The following PXDNL variants were observed in gnomAD, a reference collection of about 807,000 sequenced individuals.
PXDNL encodes the protein peroxidasin like.
A neutral mutation model predicts 150.8 loss-of-function variants in PXDNL; 145 were observed. The ratio of observed to expected loss-of-function variants is 0.96; its 90% confidence interval spans 0.84 to 1.10. The LOEUF is 1.10. Among genes scored for constraint, PXDNL ranks in the 50% least tolerant of loss-of-function variants. The probability of loss-of-function intolerance (pLI) is 0.00; values close to 1 mark genes in which losing one functional copy is unlikely to be tolerated. For missense variants in PXDNL, 2,087 were observed against 1,873.9 expected, an observed-to-expected ratio of 1.11 and a Z score of -2.10; for synonymous variants, 757 against 725.7, an observed-to-expected ratio of 1.04 and a Z score of -0.69.
At chr8:51,753,585 C>T (rs1004138416) in intron 1 of PXDNL, among the ~76,000 whole-genome samples, 5 of 152,324 alleles carry the variant, frequency 3.3e-5, no homozygotes, top group Non-Finnish European at 5.9e-5. Flanking sequence ...GTACTTTAAT[C>T]TGTGCATCGC....
intron 2 of PXDNL, among the ~76,000 whole-genome samples, chr8:51,602,442 T>G (rs1387728979): frequency 6.6e-6 from 1 of 152,046 alleles, no homozygotes; most frequent in Non-Finnish European, 1.5e-5. Context: ...AGCTCTGAAA[T>G]TCTTTTATCT....
intron 19 of PXDNL, among the ~76,000 whole-genome samples, chr8:51,360,133 T>G (rs1806673324): frequency 6.6e-6 from 1 of 152,094 alleles, no homozygotes; most frequent in Non-Finnish European, 1.5e-5. Context: ...CTTACTCATG[T>G]GTATCCCAGA....
At chr8:51,804,367 T>C (rs536101570) in intron 1 of PXDNL, among the ~76,000 whole-genome samples, 1 of 152,302 alleles carries the variant, frequency 6.6e-6, no homozygotes, top group African/African-American at 2.4e-5. Flanking sequence ...TAGCTTGACC[T>C]TTCCCTTTAG....
chr8:51,487,855 T>TTA, intron 5 of PXDNL, among the ~76,000 whole-genome samples: 1 of 152,324 alleles, frequency 6.6e-6, no homozygotes, highest in Non-Finnish European at 1.5e-5. Flanking sequence ...AGGTTAGTAC[T>TTA]TATGAATGTA....
At chr8:51,598,477 T>C (rs1813622237) in intron 2 of PXDNL, among the ~76,000 whole-genome samples, 1 of 152,216 alleles carries the variant, frequency 6.6e-6, no homozygotes, top group African/African-American at 2.4e-5. Flanking sequence ...TTTCTGCATT[T>C]ATTAAGATTA....
intron 2 of PXDNL, among the ~76,000 whole-genome samples, chr8:51,648,618 G>A (rs950010412): frequency 6.6e-6 from 1 of 152,122 alleles, no homozygotes; most frequent in African/African-American, 2.4e-5. Context: ...CAAGGCTTTG[G>A]TGATTTTTTT....
At chr8:51,610,768 G>GA (rs2130713032) in intron 2 of PXDNL, among the ~76,000 whole-genome samples, 1 of 152,228 alleles carries the variant, frequency 6.6e-6, no homozygotes, top group East Asian at 1.9e-4. Context: ...TTTGCAGCTG[G>GA]AGAACTGCAG....
rs769831692 is a variant in PXDNL at position 51,345,689 on chromosome 8, T to C, written c.4016+144A>G. On this transcript the variant is annotated intron_variant, in intron 20 of 22. Coordinates refer to ENST00000356297, the MANE Select transcript of PXDNL (RefSeq NM_144651.5). ...AACCCAAACACATTACAGAATTCAT[T>C]CTGTGTTTTCTCCTTTTCATGTGAT... 894 of 564,032 alleles carry C rather than the reference T, an allele frequency of 1.6e-3. 9 individuals are homozygous for C. The highest frequency in any genetic ancestry group is 2.5e-4 in the Non-Finnish European group (79 of 316,652). 34.9% of individuals were successfully genotyped at this position (564,032 alleles called of 1,614,324 possible). A position where few individuals can be genotyped will look rare whatever the true frequency, so the allele number is the denominator to read the frequency against.
At chr8:51,496,968 G>C (rs1182799176) in intron 5 of PXDNL, among the ~76,000 whole-genome samples, 1 of 151,936 alleles carries the variant, frequency 6.6e-6, no homozygotes, top group Non-Finnish European at 1.5e-5. Context: ...AAAGAGCCCG[G>C]ATTGCCAAGT....
intron 17 of PXDNL, among the ~76,000 whole-genome samples, chr8:51,400,560 G>T (rs2130861944): frequency 6.6e-6 from 1 of 152,324 alleles, no homozygotes; most frequent in South Asian, 2.1e-4. Context: ...AAATAGAGCT[G>T]CACGCCTTCT....
chr8:51,679,950 T>C (rs1815706402), intron 1 of PXDNL, among the ~76,000 whole-genome samples: 1 of 152,258 alleles, frequency 6.6e-6, no homozygotes, highest in Admixed American at 6.5e-5. Flanking sequence ...TACAAAGAAT[T>C]GTTTCATTTA....
chr8:51,774,120 C>T (rs1465133717), intron 1 of PXDNL, among the ~76,000 whole-genome samples: 3 of 152,132 alleles, frequency 2.0e-5, no homozygotes, highest in Admixed American at 2.0e-4. Context: ...TAAAATTCTG[C>T]AATTTTAACT....
At chr8:51,692,389 G>C (rs971199368) in intron 1 of PXDNL, among the ~76,000 whole-genome samples, 40 of 152,188 alleles carry the variant, frequency 2.6e-4, no homozygotes, top group African/African-American at 7.5e-4. Context: ...TATCCACATG[G>C]GAATTTGGAG....
chr8:51,711,496 G>T (rs552424308), intron 1 of PXDNL, among the ~76,000 whole-genome samples: 2 of 152,284 alleles, frequency 1.3e-5, no homozygotes, highest in South Asian at 4.1e-4. Context: ...TATACATATG[G>T]CTTGTCTTCA....
At chr8:51,378,285 G>A (rs1194285701) in intron 17 of PXDNL, among the ~76,000 whole-genome samples, 1 of 152,090 alleles carries the variant, frequency 6.6e-6, no homozygotes, top group African/African-American at 2.4e-5. Flanking sequence ...ACACCAATCA[G>A]CACTCTGTGT....
chr8:51,802,664 A>G (rs1260920146), intron 1 of PXDNL, among the ~76,000 whole-genome samples: 1 of 152,242 alleles, frequency 6.6e-6, no homozygotes, highest in Admixed American at 6.5e-5. Context: ...GGCAGAACAT[A>G]TGAATGCTTT....
At chr8:51,509,971 C>T (rs537892847) in intron 4 of PXDNL, among the ~76,000 whole-genome samples, 14 of 152,112 alleles carry the variant, frequency 9.2e-5, no homozygotes, top group Admixed American at 2.6e-4. Flanking sequence ...TTTAGTGCCA[C>T]AGCCCAGATC....
rs535124986 is a variant in PXDNL at position 51,408,939 on chromosome 8, A to G, written c.2685T>C (p.Asp895=). 1.9e-6 allele frequency: 3 copies of G among 1,612,800 alleles called. No homozygotes were observed. The highest frequency in any genetic ancestry group is 2.2e-5 in the South Asian group (2 of 91,044). ...CCGAGCTCCCGTAAACGTTGGAGCC[A>G]TCGATGTAGGCTGTTTGCTGGTTGA... ...EQINQQTAYI[D]GSNVYGSSER... Residue 895 remains aspartate (D), a synonymous_variant, in exon 17 of 23, where the codon GAT becomes GAC. Transcript: ENST00000356297.
chr8:51,764,396 G>A (rs1344974353), intron 1 of PXDNL, among the ~76,000 whole-genome samples: 1 of 146,058 alleles, frequency 6.8e-6, no homozygotes, highest in Non-Finnish European at 1.5e-5. Flanking sequence ...TTTTTTAAGT[G>A]AAAGTTTATT....
Sources: gnomAD v4.1 joint callset for allele counts (sites outside exome capture counted in the v4.1 genomes callset) on GRCh38, gnomAD v4.1.1 for gene constraint, MANE v1.5 for transcripts, NCBI Gene and HGNC (gene_info 2026-07-23, HGNC 2026-07-21) for gene names.